The following PCDHGB1 variants were observed in gnomAD, a reference collection of about 807,000 sequenced individuals.
PCDHGB1 encodes the protein protocadherin gamma subfamily B, 1, also known as protocadherin gamma-B1.
In PCDHGB1, 34 loss-of-function variants were observed where a neutral mutation model predicts 56.6. That is an observed-to-expected ratio of 0.60 (90% CI 0.46 to 0.80). The LOEUF (loss-of-function observed/expected upper bound fraction) is 0.80. Among genes scored for constraint, PCDHGB1 ranks in the 30% least tolerant of loss-of-function variants. The pLI, the probability that PCDHGB1 is intolerant of heterozygous loss-of-function variation, is 0.00. For missense variants in PCDHGB1, 1,278 were observed against 1,204.6 expected (o/e 1.06, Z -0.90); for synonymous variants, 561 against 505.9 (o/e 1.11, Z -1.46).
At chr5:141,360,096 T>A in intron 1 of PCDHGB1, 1 of 1,526,388 alleles carries the variant, frequency 6.6e-7, no homozygotes, top group Non-Finnish European at 8.8e-7. Flanking sequence ...CCCGGAAGGC[T>A]TATTCCTCCT....
At chr5:141,427,940 C>T (rs1391166364) in intron 1 of PCDHGB1, 1 of 1,585,904 alleles carries the variant, frequency 6.3e-7, no homozygotes. Context: ...TGGTGGGCGA[C>T]CTCAATGACA....
intron 2 of PCDHGB1, among the ~76,000 whole-genome samples, chr5:141,497,879 G>A (rs62379207): frequency 4.6e-4 from 70 of 152,244 alleles, no homozygotes; most frequent in Non-Finnish European, 8.2e-4. Flanking sequence ...TGAAATAAGC[G>A]TTAGGATCTA....
intron 1 of PCDHGB1, among the ~76,000 whole-genome samples, chr5:141,466,670 G>T (rs994949602): frequency 6.6e-6 from 1 of 152,046 alleles, no homozygotes; most frequent in Non-Finnish European, 1.5e-5. Flanking sequence ...TGATTTCACC[G>T]TTCTTCCACT....
chr5:141,418,041 T>C lies in PCDHGB1; in HGVS notation c.2409+65372T>C, dbSNP rs764313049. The C allele has an allele frequency of 1.2e-6, 2 of 1,613,858 alleles. No individual in the cohort carries two copies. Among genetic ancestry groups the C allele is most frequent in the Non-Finnish European group, 1.7e-6 (2 of 1,179,856 alleles). On this transcript the variant is annotated intron_variant, in intron 1 of 3. Transcript: ENST00000523390. ...GATCTAGGGCTTAGTGTCCTGGATG[T>C]GTCGGCTCGCGAGCTGCGAGTGAGC... is the stretch of plus-strand genomic sequence containing the variant.
At chr5:141,500,094 A>C (rs2099796337) in intron 2 of PCDHGB1, among the ~76,000 whole-genome samples, 1 of 151,860 alleles carries the variant, frequency 6.6e-6, no homozygotes, top group South Asian at 2.1e-4. Context: ...CCATTTTTGC[A>C]ATTTATTTGT....
chr5:141,374,078 C>A, intron 1 of PCDHGB1: 1 of 1,516,122 alleles, frequency 6.6e-7, no homozygotes, highest in Non-Finnish European at 8.8e-7. Flanking sequence ...TCCTAATAAG[C>A]CAGTAATGGC....
intron 1 of PCDHGB1, chr5:141,365,461 A>G (rs1237743383): frequency 6.2e-7 from 1 of 1,614,022 alleles, no homozygotes; most frequent in Admixed American, 1.7e-5. Flanking sequence ...GTGATTCTGG[A>G]GAAAATGGTG....
Position 141,491,964 on chromosome 5 carries a change from C to A in PCDHGB1, c.2410-2843C>A. On this transcript the variant is annotated intron_variant, in intron 1 of 3. Transcript: ENST00000523390. The surrounding 1 kb of genome is among the most constrained non-coding windows in gnomAD (Gnocchi z 6.9). ...CCCCACCCCTACACTCAAAAAAGGC[C>A]GGGGCCTCCTTCGAGCTTCCGGTGA... The A allele has an allele frequency of 1.1e-6, 1 of 943,952 alleles. No homozygotes were observed. The highest frequency in any genetic ancestry group is 1.5e-6 in the Non-Finnish European group (1 of 671,094). 58.5% of individuals were successfully genotyped at this position (943,952 alleles called of 1,614,324 possible). A position where few individuals can be genotyped will look rare whatever the true frequency, so the allele number is the denominator to read the frequency against.
At chr5:141,450,599 G>T (rs569531886) in intron 1 of PCDHGB1, among the ~76,000 whole-genome samples, 11 of 150,286 alleles carry the variant, frequency 7.3e-5, no homozygotes, top group African/African-American at 2.7e-4. Flanking sequence ...CAATTCTCCT[G>T]CCTCAGCCTC....
At chr5:141,438,210 A>G (rs1228726792) in intron 1 of PCDHGB1, among the ~76,000 whole-genome samples, 2 of 152,188 alleles carry the variant, frequency 1.3e-5, no homozygotes, top group Non-Finnish European at 2.9e-5. Flanking sequence ...ACCATATGGG[A>G]AGGGCTCTGG....
Position 141,476,845 on chromosome 5 carries a change from C to T in PCDHGB1, c.2410-17962C>T. On this transcript the variant is annotated intron_variant, in intron 1 of 3. Transcript: ENST00000523390. The surrounding 1 kb of genome is among the most constrained non-coding windows in gnomAD (Gnocchi z 7.6). ...TGGACGCGAATGACAATGCGCCTGT[C>T]TTCAACCAGTCCTTGTACCGGGCGC... 1 of 1,613,794 alleles carries T rather than the reference C, an allele frequency of 6.2e-7. No homozygotes were observed. Among genetic ancestry groups the T allele is most frequent in the Non-Finnish European group, 8.5e-7 (1 of 1,180,054 alleles).
intron 1 of PCDHGB1, among the ~76,000 whole-genome samples, chr5:141,442,702 T>A (rs1301940560): frequency 1.3e-5 from 2 of 152,342 alleles, no homozygotes; most frequent in African/African-American, 4.8e-5. Context: ...GACAAGAGTA[T>A]CAGACATGCC....
At position 141,477,758 on chromosome 5, in the gene PCDHGB1, G is replaced by A; in HGVS notation, c.2410-17049G>A. 2 of 1,613,924 alleles carry A rather than the reference G, an allele frequency of 1.2e-6. No homozygotes were observed. The highest frequency in any genetic ancestry group is 1.7e-5 in the Admixed American group (1 of 60,022). On this transcript the variant is annotated intron_variant, in intron 1 of 3. Transcript: ENST00000523390. The surrounding 1 kb of genome is among the most constrained non-coding windows in gnomAD (Gnocchi z 4.9). ...CAGCGATGGGGGCACCCCGGTCCTA[G>A]CCACCAACATCAGCGTGAACATATT...
rs965707754 is a variant in PCDHGB1 at position 141,505,329 on chromosome 5, G to A, written c.2469-64G>A. On this transcript the variant is annotated intron_variant, in intron 2 of 3. Coordinates refer to ENST00000523390, the MANE Select transcript of PCDHGB1 (RefSeq NM_018922.3). ...ACTAGGTTTGGGAGCCCTGGGAGAG[G>A]ACAGGAGGGGCATGAGCTGTGCCGG... is the stretch of plus-strand genomic sequence containing the variant. The A allele has an allele frequency of 2.5e-6, 4 of 1,610,060 alleles. No individual in the cohort carries two copies. The African/African-American group carries it at 5.3e-5, about 22-fold the overall frequency.
intron 1 of PCDHGB1, chr5:141,372,709 C>A (rs751651788): frequency 6.2e-7 from 1 of 1,613,966 alleles, no homozygotes; most frequent in South Asian, 1.1e-5. Flanking sequence ...AATATAAAGG[C>A]TGAAAATGCT....
At chr5:141,498,971 G>A (rs866066098) in intron 2 of PCDHGB1, among the ~76,000 whole-genome samples, 16 of 111,052 alleles carry the variant, frequency 1.4e-4, no homozygotes, top group African/African-American at 2.5e-4. Context: ...GAGGGAGGGA[G>A]GGAAGGAAGG....
Position 141,447,434 on chromosome 5 carries a change from G to A in PCDHGB1, c.2410-47373G>A, listed in dbSNP as rs114249648. ...ATTACAGGCGTGAGCCACCGCACCC[G>A]GAGGAAATTTTTAACCTCAGTTTTT... On this transcript the variant is annotated intron_variant, in intron 1 of 3. Transcript: ENST00000523390. 2.8e-3 allele frequency among the ~76,000 whole-genome samples: 425 copies of A among 152,164 alleles called. 1 individual carries two copies. The highest frequency in any genetic ancestry group is 9.5e-3 in the African/African-American group (394 of 41,546).
At position 141,511,124 on chromosome 5, in the gene PCDHGB1, C is replaced by A. The variant is rs752246201; in HGVS notation, c.2735C>A (p.Ala912Glu). The A allele has an allele frequency of 6.2e-7, 1 of 1,614,206 alleles. No homozygotes were observed. The highest frequency in any genetic ancestry group is 8.5e-7 in the Non-Finnish European group (1 of 1,180,022). ...AAGKRDGKAP[A>E]GGNGNKKKSG... The stretch of plus-strand genomic sequence containing the variant: ...GGCAAGCGGGATGGCAAGGCCCCAG[C>A]AGGTGGCAATGGCAACAAGAAGAAG... Residue 912 changes from alanine (A) to glutamate (E), a missense_variant, in exon 4 of 4, where the codon GCA becomes GAA. Coordinates refer to ENST00000523390, the MANE Select transcript of PCDHGB1 (RefSeq NM_018922.3).
At chr5:141,388,104 T>C in intron 1 of PCDHGB1, 1 of 1,386,112 alleles carries the variant, frequency 7.2e-7, no homozygotes, top group Non-Finnish European at 1.0e-6. Context: ...GGAGAAGCCT[T>C]ACTTCACCGT....
Sources: allele counts gnomAD v4.1 joint callset (sites outside exome capture counted in the v4.1 genomes callset), GRCh38; gene constraint gnomAD v4.1.1; non-coding constraint Gnocchi (gnomAD v3.1); transcripts MANE v1.5; gene names NCBI Gene and HGNC (gene_info 2026-07-23, HGNC 2026-07-21).